The following LRP1B variants were observed in gnomAD, a reference collection of about 807,000 sequenced individuals.
The protein encoded by LRP1B is low-density lipoprotein receptor-related protein 1B.
Under a neutral mutation model 556.6 loss-of-function variants are expected in LRP1B, and 217 were observed. The ratio of observed to expected loss-of-function variants is 0.39; its 90% confidence interval spans 0.35 to 0.44. The LOEUF (loss-of-function observed/expected upper bound fraction) is 0.44, where lower values mean the gene tolerates loss of function less well. LRP1B is among the 20% of genes least tolerant of loss of function. LRP1B has a pLI of 1.00. For missense variants in LRP1B, 5,053 were observed against 5,620.8 expected, an observed-to-expected ratio of 0.90 and a Z score of 3.23; for synonymous variants, 2,047 against 1,865.8, an observed-to-expected ratio of 1.10 and a Z score of -2.50.
chr2:141,448,889 C>G (rs1348150951), intron 3 of LRP1B, among the ~76,000 whole-genome samples: 2 of 152,208 alleles, frequency 1.3e-5, no homozygotes, highest in African/African-American at 4.8e-5. Context: ...AAGAAGTTTC[C>G]ATCTTCAGAG....
chr2:141,484,443 TG>T (rs1052181873), intron 2 of LRP1B, among the ~76,000 whole-genome samples: 1 of 151,750 alleles, frequency 6.6e-6, no homozygotes, highest in African/African-American at 2.4e-5. Context: ...CTTGGTGATG[TG>T]GGTTCTTTTT....
intron 47 of LRP1B, among the ~76,000 whole-genome samples, chr2:140,528,031 C>T (rs898286934): frequency 1.3e-5 from 2 of 151,798 alleles, no homozygotes; most frequent in African/African-American, 2.4e-5. Flanking sequence ...CAGGAAGATA[C>T]TAATAGGGAC....
intron 7 of LRP1B, among the ~76,000 whole-genome samples, chr2:141,172,794 C>A (rs1381993276): frequency 6.6e-6 from 1 of 151,868 alleles, no homozygotes. Flanking sequence ...ACTAAGCAAC[C>A]TGGAATTTAT....
At chr2:140,647,915 TTG>T (rs1373346076) in intron 41 of LRP1B, among the ~76,000 whole-genome samples, 1 of 152,162 alleles carries the variant, frequency 6.6e-6, no homozygotes, top group African/African-American at 2.4e-5. Flanking sequence ...GAAATACCAT[TTG>T]ACCCAGTGAT....
At chr2:141,946,915 T>C (rs963922383) in intron 1 of LRP1B, among the ~76,000 whole-genome samples, 1 of 152,198 alleles carries the variant, frequency 6.6e-6, no homozygotes, top group Non-Finnish European at 1.5e-5. Context: ...AAGATCAGGA[T>C]ACATTTAAAA....
intron 3 of LRP1B, among the ~76,000 whole-genome samples, chr2:141,467,605 A>G (rs1324504061): frequency 6.6e-6 from 1 of 152,088 alleles, no homozygotes. Flanking sequence ...TTCTGGCCCT[A>G]TTATCCAACA....
rs118116869 is a variant in LRP1B, at chr2:141,217,501, C to T, written c.850+11682G>A. 1.1e-3 allele frequency among the ~76,000 whole-genome samples: 162 copies of T among 152,200 alleles called. 2 individuals are homozygous for T. In the East Asian group the frequency reaches 0.024, roughly 23 times the overall value. On this transcript the variant is annotated intron_variant, in intron 6 of 90. Transcript: ENST00000389484. ...AGACAGAGGTGAACTATCAGCCCTA[C>T]TCAATAAATGGTGCTGAGAAAACCA...
intron 3 of LRP1B, among the ~76,000 whole-genome samples, chr2:141,375,477 C>T (rs1689393034): frequency 6.6e-6 from 1 of 152,006 alleles, no homozygotes; most frequent in African/African-American, 2.4e-5. Context: ...TGGAGCAACC[C>T]ACTGAGACCC....
chr2:141,822,130 CAGAG>C (rs1553469382), intron 1 of LRP1B, among the ~76,000 whole-genome samples: 30 of 95,860 alleles, frequency 3.1e-4, no homozygotes, highest in Admixed American at 7.1e-4. Context: ...CACACACACA[CAGAG>C]AGAGAGAGAG....
At chr2:140,338,292 G>A (rs1253535999) in intron 77 of LRP1B, among the ~76,000 whole-genome samples, 1 of 151,670 alleles carries the variant, frequency 6.6e-6, no homozygotes. Flanking sequence ...GAGAATAATG[G>A]CAGAGGGTGG....
chr2:141,256,126 G>A (rs2714211), intron 3 of LRP1B, among the ~76,000 whole-genome samples: 21,055 of 151,840 alleles, frequency 0.14, 1,506 homozygotes, highest in South Asian at 0.22. Context: ...AGTACAAGTG[G>A]TAGGATGTAG....
chr2:141,464,606 A>ATATATTTTTTTTT, intron 3 of LRP1B, among the ~76,000 whole-genome samples: 14 of 90,454 alleles, frequency 1.5e-4, no homozygotes, highest in Admixed American at 2.5e-4. Context: ...ATATATATAT[A>ATATATTTTTTTTT]TTTTTTTAGT....
intron 2 of LRP1B, among the ~76,000 whole-genome samples, chr2:141,616,289 A>G (rs78730990): frequency 1.1e-4 from 2 of 19,030 alleles, no homozygotes; most frequent in African/African-American, 9.9e-4. Flanking sequence ...TCAAGAAAAT[A>G]AAAAAAAAAA....
intron 1 of LRP1B, among the ~76,000 whole-genome samples, chr2:141,890,264 T>C (rs1002829536): frequency 4.0e-5 from 6 of 149,512 alleles, no homozygotes; most frequent in Non-Finnish European, 5.9e-5. Context: ...GTTGTCTACG[T>C]TGCTTATGCT....
intron 2 of LRP1B, among the ~76,000 whole-genome samples, chr2:141,787,788 T>C (rs1014224131): frequency 1.3e-5 from 2 of 151,976 alleles, no homozygotes; most frequent in Non-Finnish European, 2.9e-5. Context: ...ATGTGAGTAC[T>C]ATACTTGGCT....
At position 141,282,354 on chromosome 2, in the gene LRP1B, G is replaced by A. The variant is rs1685539909; in HGVS notation, c.344-27713C>T. Among the ~76,000 whole-genome samples the A allele has an allele frequency of 1.3e-5, 2 of 151,722 alleles. 1 individual carries two copies. Among genetic ancestry groups the A allele is most frequent in the South Asian group, 4.1e-4 (2 of 4,828 alleles). Reference sequence around the variant, plus strand: ...GATAATGAATCCAAAAGATTCAGCAGAGCAGAAATAGGACTGATGGCATAA... The same window carrying A: ...GATAATGAATCCAAAAGATTCAGCAAAGCAGAAATAGGACTGATGGCATAA... On this transcript the variant is annotated intron_variant, in intron 3 of 90. Transcript: ENST00000389484.
intron 3 of LRP1B, among the ~76,000 whole-genome samples, chr2:141,277,619 A>G (rs1419277182): frequency 2.0e-5 from 3 of 151,932 alleles, no homozygotes; most frequent in Non-Finnish European, 4.4e-5. Context: ...TAATCAGAAA[A>G]TATATGGATG....
intron 1 of LRP1B, among the ~76,000 whole-genome samples, chr2:141,943,346 T>C (rs987285389): frequency 2.6e-5 from 4 of 152,176 alleles, no homozygotes; most frequent in African/African-American, 9.6e-5. Flanking sequence ...TGTAAAATGG[T>C]TACAATTTAC....
At chr2:141,665,967 G>A (rs2105403716) in intron 2 of LRP1B, among the ~76,000 whole-genome samples, 1 of 152,248 alleles carries the variant, frequency 6.6e-6, no homozygotes, top group Admixed American at 6.5e-5. Context: ...GTTGGGGGCA[G>A]GGGTGGTGGC....
Sources: gnomAD v4.1 joint callset for allele counts (sites outside exome capture counted in the v4.1 genomes callset) on GRCh38, gnomAD v4.1.1 for gene constraint, MANE v1.5 for transcripts, NCBI Gene and HGNC (gene_info 2026-07-23, HGNC 2026-07-21) for gene names.